NSL1: variants seen among roughly 807,000 people sequenced by gnomAD.
NSL1 encodes NSL1 component of MIS12 kinetochore complex.
A neutral mutation model predicts 25.4 loss-of-function variants in NSL1; 11 were observed. That is an observed-to-expected ratio of 0.43 (90% CI 0.27 to 0.72). NSL1 has a LOEUF of 0.72. NSL1 is among the 30% of genes least tolerant of loss of function. NSL1 has a pLI of 0.19. For missense variants in NSL1, 330 were observed against 342.7 expected (o/e 0.96, Z 0.29); for synonymous variants, 118 against 120.6 (o/e 0.98, Z 0.14).
chr1:212,744,824 G>T (rs922160057), intron 4 of NSL1, among the ~76,000 whole-genome samples: 2 of 152,074 alleles, frequency 1.3e-5, no homozygotes, highest in African/African-American at 4.8e-5. Flanking sequence ...AGATCTGTGG[G>T]TACCATCAAG....
Position 212,729,671 on chromosome 1 carries a change from A to G in NSL1, c.*8737T>C, listed in dbSNP as rs765715599. ...TTCGAACACTTATTTTAACCTTTTC[A>G]CCAAATTTTTGTCAGAGAAGGAAAT... On this transcript the variant is annotated 3_prime_UTR_variant, in exon 6 of 6. Transcript: ENST00000366977. 1 of 985,398 alleles carries G rather than the reference A, an allele frequency of 1.0e-6. No individual in the cohort carries two copies. Among genetic ancestry groups the G allele is most frequent in the Non-Finnish European group, 1.2e-6 (1 of 829,924 alleles). 61.0% of individuals were successfully genotyped at this position (985,398 alleles called of 1,614,324 possible). A position where few individuals can be genotyped will look rare whatever the true frequency, so the allele number is the denominator to read the frequency against.
chr1:212,775,040 T>G (rs1660299103), intron 4 of NSL1, among the ~76,000 whole-genome samples: 1 of 152,192 alleles, frequency 6.6e-6, no homozygotes, highest in Admixed American at 6.5e-5. Flanking sequence ...TATATGTCCA[T>G]ACAATGGAAT....
intron 4 of NSL1, among the ~76,000 whole-genome samples, chr1:212,756,264 C>G (rs536653937): frequency 3.3e-5 from 5 of 152,160 alleles, no homozygotes; most frequent in African/African-American, 1.2e-4. Context: ...GAACTACAGG[C>G]ATGCACCACC....
In NSL1 at chr1:212,728,682, A is replaced by G; in HGVS notation, c.*9726T>C. On this transcript the variant is annotated 3_prime_UTR_variant, in exon 6 of 6. Transcript: ENST00000366977. Reference sequence around the variant, plus strand: ...GGCTTATCTGCACATCACTTATACCATTTGGTGAGATCTCTGGAGAATGGA... The same window carrying G: ...GGCTTATCTGCACATCACTTATACCGTTTGGTGAGATCTCTGGAGAATGGA... 1 of 985,448 alleles carries G rather than the reference A, an allele frequency of 1.0e-6. No individual in the cohort carries two copies. The highest frequency in any genetic ancestry group is 1.2e-6 in the Non-Finnish European group (1 of 829,938). The allele number at this position is 985,448 out of a possible 1,614,324, so 61.0% of individuals were successfully genotyped here. A position where few individuals can be genotyped will look rare whatever the true frequency, so the allele number is the denominator to read the frequency against.
At chr1:212,743,263 C>T (rs1658589418) in intron 4 of NSL1, among the ~76,000 whole-genome samples, 1 of 151,960 alleles carries the variant, frequency 6.6e-6, no homozygotes, top group Non-Finnish European at 1.5e-5. Context: ...CTCCCAGGTT[C>T]AAGTGATTCT....
intron 4 of NSL1, among the ~76,000 whole-genome samples, chr1:212,745,793 T>C (rs544795095): frequency 6.7e-6 from 1 of 149,152 alleles, no homozygotes; most frequent in Non-Finnish European, 1.5e-5. Context: ...CGAAACCCCA[T>C]GCCTACCAAA....
At position 212,727,776 on chromosome 1, in the gene NSL1, T is replaced by TAAAG; in HGVS notation, c.*10631_*10632insCTTT. Reference sequence around the variant, plus strand: ...TATTTAACCTCATTAAGATAATAAATTGCTTTAAACAACTTTGAGCACTTT... The same window carrying TAAAG: ...TATTTAACCTCATTAAGATAATAAATAAAGTGCTTTAAACAACTTTGAGCACTTT... On this transcript the variant is annotated 3_prime_UTR_variant, in exon 6 of 6. Transcript: ENST00000366977. 1 of 984,282 alleles carries TAAAG rather than the reference T, an allele frequency of 1.0e-6. No homozygotes were observed. Among genetic ancestry groups the TAAAG allele is most frequent in the African/African-American group, 1.7e-5 (1 of 57,338 alleles). The allele number at this position is 984,282 out of a possible 1,614,324, so 61.0% of individuals were successfully genotyped here. A position where few individuals can be genotyped will look rare whatever the true frequency, so the allele number is the denominator to read the frequency against.
chr1:212,727,322 A>G lies in NSL1; in HGVS notation c.*11086T>C, dbSNP rs180769828. 4,265 of 1,291,514 alleles carry G rather than the reference A, an allele frequency of 3.3e-3. 10 individuals are homozygous for G. Among genetic ancestry groups the G allele is most frequent in the Non-Finnish European group, 3.9e-3 (3,988 of 1,017,438 alleles). 80.0% of individuals were successfully genotyped at this position (1,291,514 alleles called of 1,614,324 possible). A position where few individuals can be genotyped will look rare whatever the true frequency, so the allele number is the denominator to read the frequency against. ...AGGGCCCAGGATCCCCTTCCAAATT[A>G]CTGAGGGGCAGTAAGTCCTGGCACT... On this transcript the variant is annotated 3_prime_UTR_variant, in exon 6 of 6. Coordinates refer to ENST00000366977, the MANE Select transcript of NSL1 (RefSeq NM_015471.4).
At chr1:212,770,246 T>G (rs1660040495) in intron 4 of NSL1, among the ~76,000 whole-genome samples, 1 of 152,058 alleles carries the variant, frequency 6.6e-6, no homozygotes, top group South Asian at 2.1e-4. Flanking sequence ...GTCAAGGACT[T>G]CAACAGCCCA....
In NSL1 at chr1:212,737,172, T is replaced by C. The variant is rs978591451; in HGVS notation, c.*1236A>G. The C allele has an allele frequency of 8.1e-6, 8 of 985,240 alleles. 1 individual carries two copies. In the African/African-American group the frequency reaches 1.2e-4, roughly 15 times the overall value. The allele number at this position is 985,240 out of a possible 1,614,324, so 61.0% of individuals were successfully genotyped here. ...AATACACAGCATCAAGATCAGTCTT[T>C]GTACATTATTTCAATGAAAAACACA... is the stretch of plus-strand genomic sequence containing the variant. On this transcript the variant is annotated 3_prime_UTR_variant, in exon 6 of 6. Coordinates refer to ENST00000366977, the MANE Select transcript of NSL1 (RefSeq NM_015471.4).
chr1:212,751,719 TA>T (rs1160304586), intron 4 of NSL1, among the ~76,000 whole-genome samples: 1 of 146,666 alleles, frequency 6.8e-6, no homozygotes, highest in Admixed American at 6.8e-5. Context: ...CCATTTTTTT[TA>T]AAGACAAAAG....
At chr1:212,778,144 A>G (rs1335873530) in intron 4 of NSL1, among the ~76,000 whole-genome samples, 1 of 149,420 alleles carries the variant, frequency 6.7e-6, no homozygotes, top group African/African-American at 2.5e-5. Context: ...AGCTAAAGCA[A>G]CATGTAGGCA....
chr1:212,755,012 G>A (rs1659240379), intron 4 of NSL1, among the ~76,000 whole-genome samples: 1 of 152,180 alleles, frequency 6.6e-6, no homozygotes, highest in Non-Finnish European at 1.5e-5. Flanking sequence ...GACAGAGGGA[G>A]TGAAAGCAGT....
In NSL1 at chr1:212,729,189, C is replaced by G; in HGVS notation, c.*9219G>C. Reference sequence around the variant, plus strand: ...CAAGCAGGTAATTCCACAGAAGTTTCCAAACCCATGAGTTTCACTCTCAGG... The same window carrying G: ...CAAGCAGGTAATTCCACAGAAGTTTGCAAACCCATGAGTTTCACTCTCAGG... On this transcript the variant is annotated 3_prime_UTR_variant, in exon 6 of 6. Transcript: ENST00000366977. The G allele has an allele frequency of 1.0e-6, 1 of 985,442 alleles. No homozygotes were observed. The highest frequency in any genetic ancestry group is 1.2e-6 in the Non-Finnish European group (1 of 829,924). The allele number at this position is 985,442 out of a possible 1,614,324, so 61.0% of individuals were successfully genotyped here.
intron 4 of NSL1, among the ~76,000 whole-genome samples, chr1:212,762,306 CAAA>C (rs71147025): frequency 1.6e-4 from 18 of 114,634 alleles, no homozygotes; most frequent in Admixed American, 3.0e-4. Context: ...TTAAAAGAAA[CAAA>C]AAAAAAAAAA....
At chr1:212,742,859 G>A (rs1044254767) in intron 4 of NSL1, among the ~76,000 whole-genome samples, 1 of 151,996 alleles carries the variant, frequency 6.6e-6, no homozygotes. Flanking sequence ...TTTGACAATA[G>A]CAAATATACC....
rs73081896 is a variant in NSL1, at chr1:212,774,049, G to A, written c.499+8323C>T. Among the ~76,000 whole-genome samples the A allele has an allele frequency of 5.2e-3, 792 of 152,226 alleles. 4 individuals carry two copies. Among genetic ancestry groups the A allele is most frequent in the African/African-American group, 0.018 (755 of 41,548 alleles). Reference sequence around the variant, plus strand: ...AGTTACCAGAGGCTGGGAAGGGTATGTGCGGAGCGGGGAAGGGAGTATGGA... The same window carrying A: ...AGTTACCAGAGGCTGGGAAGGGTATATGCGGAGCGGGGAAGGGAGTATGGA... On this transcript the variant is annotated intron_variant, in intron 4 of 5. Transcript: ENST00000366977.
rs1370094384 is a variant in NSL1, at chr1:212,747,267, C to T, written c.500-7666G>A. On this transcript the variant is annotated intron_variant, in intron 4 of 5. Coordinates refer to ENST00000366977, the MANE Select transcript of NSL1 (RefSeq NM_015471.4). The stretch of plus-strand genomic sequence containing the variant: ...TAACAGCTCAAGTAATAGCAAATCA[C>T]TTCCAAGATTAGGTTATAAAAAAGA... Among the ~76,000 whole-genome samples the T allele has an allele frequency of 3.3e-5, 5 of 152,210 alleles. No homozygotes were observed. In the South Asian group the frequency reaches 8.3e-4, roughly 25 times the overall value.
rs1007357241 is a variant in NSL1 at position 212,734,998 on chromosome 1, T to C, written c.*3410A>G. Reference sequence around the variant, plus strand: ...TTATTAGTCTAAGGCCTTCACATTATGAACTCATTTACTTCTCAGAATAAC... The same window carrying C: ...TTATTAGTCTAAGGCCTTCACATTACGAACTCATTTACTTCTCAGAATAAC... On this transcript the variant is annotated 3_prime_UTR_variant, in exon 6 of 6. Transcript: ENST00000366977. Among the ~76,000 whole-genome samples the C allele has an allele frequency of 1.3e-5, 2 of 152,214 alleles. No individual in the cohort carries two copies. Among genetic ancestry groups the C allele is most frequent in the Non-Finnish European group, 2.9e-5 (2 of 68,032 alleles).
Sources: allele counts gnomAD v4.1 joint callset (sites outside exome capture counted in the v4.1 genomes callset), GRCh38; gene constraint gnomAD v4.1.1; transcripts MANE v1.5; gene names NCBI Gene and HGNC (gene_info 2026-07-23, HGNC 2026-07-21).